Variants in USP4 observed in about 807,000 individuals in gnomAD.
USP4 encodes ubiquitin carboxyl-terminal hydrolase 4.
A neutral mutation model predicts 118.2 loss-of-function variants in USP4; 72 were observed. The ratio of observed to expected loss-of-function variants is 0.61; its 90% CI spans 0.50 to 0.74. The LOEUF (loss-of-function observed/expected upper bound fraction) is 0.74. Among genes scored for constraint, USP4 ranks in the 30% least tolerant of loss-of-function variants. The pLI is 0.00. For synonymous variants in USP4, 415 were observed against 440.4 expected, an observed-to-expected ratio of 0.94 and a Z score of 0.72; for missense variants, 1,037 against 1,185.7, an observed-to-expected ratio of 0.87 and a Z score of 1.84.
chr3:49,301,057 A>C (rs567275318), intron 10 of USP4, among the ~76,000 whole-genome samples: 2 of 152,222 alleles, frequency 1.3e-5, no homozygotes, highest in South Asian at 4.2e-4. Flanking sequence ...TTCCTGCCTC[A>C]GACTCCCAAG....
At chr3:49,319,141 CA>C (rs559088103) in intron 6 of USP4, among the ~76,000 whole-genome samples, 19,893 of 112,502 alleles carry the variant, frequency 0.18, 1,779 homozygotes, top group Middle Eastern at 0.25. Context: ...GACTGCATCT[CA>C]AAAAAAAAAA....
At chr3:49,317,109 C>G (rs1293336467) in intron 6 of USP4, 3 of 1,343,204 alleles carry the variant, frequency 2.2e-6, no homozygotes, top group Admixed American at 1.8e-5. Flanking sequence ...CACTACTTTT[C>G]TGGTCTGAGG....
intron 19 of USP4, among the ~76,000 whole-genome samples, chr3:49,281,239 G>A (rs570588031): frequency 4.7e-4 from 72 of 152,026 alleles, no homozygotes; most frequent in African/African-American, 1.5e-3. Context: ...GGCGGATCAC[G>A]AGATCAGAAG....
chr3:49,313,083 G>C (rs1559474399), intron 6 of USP4, among the ~76,000 whole-genome samples: 1 of 151,622 alleles, frequency 6.6e-6, no homozygotes, highest in Non-Finnish European at 1.5e-5. Context: ...AGTAGAGACA[G>C]GGTTTCACCA....
rs1196320843 is a variant in USP4 at position 49,277,430 on chromosome 3, C to G, written c.*863G>C. The G allele has an allele frequency of 3.4e-6, 1 of 293,734 alleles. No individual in the cohort carries two copies. The highest frequency in any genetic ancestry group is 6.8e-6 in the Non-Finnish European group (1 of 147,168). 18.2% of individuals were successfully genotyped at this position (293,734 alleles called of 1,614,324 possible). ...GGAAAGAACCCGTTCTAGAAAGCAT[C>G]TGGGTAACACCAAAATGTATTACTA... is the stretch of plus-strand genomic sequence containing the variant. On this transcript the variant is annotated 3_prime_UTR_variant, in exon 22 of 22. Transcript: ENST00000265560.
At chr3:49,314,337 A>G (rs562461554) in intron 6 of USP4, among the ~76,000 whole-genome samples, 1 of 152,234 alleles carries the variant, frequency 6.6e-6, no homozygotes, top group Non-Finnish European at 1.5e-5. Flanking sequence ...CCCATAAGGA[A>G]ATGTACCCTT....
At chr3:49,336,575 A>G (rs1168395058) in intron 1 of USP4, among the ~76,000 whole-genome samples, 1 of 151,312 alleles carries the variant, frequency 6.6e-6, no homozygotes, top group East Asian at 2.0e-4. Context: ...CCCAGGCTGG[A>G]GTGCAATGGT....
At position 49,310,703 on chromosome 3, in the gene USP4, C is replaced by G; in HGVS notation, c.871G>C (p.Glu291Gln). 6.2e-7 allele frequency: 1 copy of G among 1,614,108 alleles called. No individual in the cohort carries two copies. The highest frequency in any genetic ancestry group is 8.5e-7 in the Non-Finnish European group (1 of 1,180,022). The change falls in exon 8 of 22, where the codon GAG becomes CAG. Residue 291 changes from glutamate to glutamine, a missense_variant. Glu to Gln is a conservative substitution (Grantham distance 29, BLOSUM62 2). Coordinates refer to ENST00000265560, the MANE Select transcript of USP4 (RefSeq NM_003363.4). ...SGFSASYNCQ[E>Q]PPSSHIQPGL... ...GGTTGTATATGAGAGGATGGTGGCT[C>G]CTGACAATTATACGAAGCAGAAAAG... is the stretch of plus-strand genomic sequence containing the variant.
rs1273037128 is a variant in USP4 at position 49,294,547 on chromosome 3, T to C, written c.1743A>G (p.Pro581=). The change falls in exon 14 of 22, where the codon CCA becomes CCG. Residue 581 remains proline (P), a synonymous_variant. Coordinates refer to ENST00000265560, the MANE Select transcript of USP4 (RefSeq NM_003363.4). Reference sequence around the variant, plus strand: ...TGGACTTCCTCTCCCTGAAGTAGACTGGAAGCGTGACACATTCCGAGCCAT... The same window carrying C: ...TGGACTTCCTCTCCCTGAAGTAGACCGGAAGCGTGACACATTCCGAGCCAT... The part of the protein sequence containing the change: ...SVDGSECVTL[P]VYFRERKSRP... 1 of 1,614,054 alleles carries C rather than the reference T, an allele frequency of 6.2e-7. No homozygotes were observed. The highest frequency in any genetic ancestry group is 8.5e-7 in the Non-Finnish European group (1 of 1,180,032).
chr3:49,284,213 C>A, intron 18 of USP4, 77 bp from the exon 19 acceptor site: 2 of 1,564,360 alleles, frequency 1.3e-6, no homozygotes, highest in Non-Finnish European at 8.8e-7. Flanking sequence ...GGAGGCACAG[C>A]TGCAGTCCCC....
At chr3:49,298,684 C>A (rs775914006) in intron 11 of USP4, 49 bp from the exon 12 acceptor site, 1 of 1,533,734 alleles carries the variant, frequency 6.5e-7, no homozygotes, top group African/African-American at 1.4e-5. Flanking sequence ...ACAAAGGGTG[C>A]GAAATGCATT....
chr3:49,287,215 C>T (rs1020315280), intron 15 of USP4, among the ~76,000 whole-genome samples: 2 of 152,102 alleles, frequency 1.3e-5, no homozygotes, highest in East Asian at 1.9e-4. Context: ...AATGCAATGG[C>T]GTGATCTCAG....
intron 20 of USP4, among the ~76,000 whole-genome samples, 185 bp downstream of exon 20, chr3:49,280,559 C>CAAA (rs371988656): frequency 9.5e-5 from 5 of 52,524 alleles, no homozygotes; most frequent in African/African-American, 2.2e-4. Context: ...GACTCCGTCT[C>CAAA]AAAAAAAAAA....
intron 1 of USP4, 62 bp from the exon 2 acceptor site, chr3:49,335,658 T>C: frequency 6.3e-7 from 1 of 1,584,724 alleles, no homozygotes; most frequent in East Asian, 2.2e-5. Flanking sequence ...CTGCAGCTGC[T>C]TCCTTAATCT....
Position 49,305,772 on chromosome 3 carries a change from T to C in USP4, c.1071A>G (p.Glu357=). The C allele has an allele frequency of 1.2e-6, 2 of 1,613,840 alleles. No homozygotes were observed. The highest frequency in any genetic ancestry group is 1.7e-5 in the Admixed American group (1 of 59,948). ...TTCCAGACCACATCTGCTTAATGAG[T>C]TCAGCATAGGCTTCTGCAATTTCCC... The part of the protein sequence containing the change: ...MKGEIAEAYA[E]LIKQMWSGRD... Residue 357 remains glutamate (E), a synonymous_variant, in exon 9 of 22, where the codon GAA becomes GAG. Transcript: ENST00000265560.
intron 15 of USP4, 52 bp downstream of exon 15, chr3:49,292,457 GA>G (rs1343958679): frequency 8.2e-7 from 1 of 1,223,566 alleles, no homozygotes; most frequent in Non-Finnish European, 1.1e-6. Context: ...GAAGAAGAGG[GA>G]AATCAGGAGG....
intron 19 of USP4, among the ~76,000 whole-genome samples, chr3:49,283,052 T>C (rs1351281534): frequency 2.6e-5 from 3 of 113,340 alleles, no homozygotes; most frequent in African/African-American, 1.1e-4. Flanking sequence ...AGTCTCGCTC[T>C]GTCACCAGGC....
chr3:49,292,555 G>A lies in USP4; in HGVS notation c.1927C>T (p.Pro643Ser), dbSNP rs1164817496. ...QPLPDEFGSSPLEPGACNGSR... is the reference protein window; with the variant it reads ...QPLPDEFGSSSLEPGACNGSR... The stretch of plus-strand genomic sequence containing the variant: ...CCATTGCAGGCCCCTGGCTCCAAGG[G>A]TGAGCTGCCAAACTCATCAGGTAAA... Residue 643 changes from proline to serine, a missense_variant, in exon 15 of 22, where the codon CCC becomes TCC. Transcript: ENST00000265560. 3 of 1,601,418 alleles carry A rather than the reference G, an allele frequency of 1.9e-6. No individual in the cohort carries two copies. Among genetic ancestry groups the A allele is most frequent in the Middle Eastern group, 1.7e-4 (1 of 6,036 alleles).
intron 14 of USP4, among the ~76,000 whole-genome samples, chr3:49,292,809 C>T (rs2047164507): frequency 6.6e-6 from 1 of 152,160 alleles, no homozygotes; most frequent in Non-Finnish European, 1.5e-5. Flanking sequence ...GCAGGTGGAT[C>T]ACCTGAGGTC....
Sources: gnomAD v4.1 joint callset for allele counts (sites outside exome capture counted in the v4.1 genomes callset) on GRCh38, gnomAD v4.1.1 for gene constraint, MANE v1.5 for transcripts, NCBI Gene and HGNC (gene_info 2026-07-23, HGNC 2026-07-21) for gene names.